BNC2: variants seen among roughly 807,000 people sequenced by gnomAD.
BNC2 encodes the protein zinc finger protein basonuclin-2.
BNC2 carries 20 observed loss-of-function variants against 76.3 expected under a neutral mutation model. That is an observed-to-expected ratio of 0.26 (90% CI 0.18 to 0.38). The LOEUF is 0.38. Ranked by LOEUF, BNC2 falls within the 10% of genes least tolerant of loss-of-function variation. BNC2 has a pLI of 1.00. For missense variants in BNC2, 1,382 were observed against 1,399.8 expected, an observed-to-expected ratio of 0.99 and a Z score of 0.20; for synonymous variants, 582 against 514.8, an observed-to-expected ratio of 1.13 and a Z score of -1.77.
At chr9:16,742,155 G>A (rs962019401) in intron 1 of BNC2, among the ~76,000 whole-genome samples, 1 of 152,156 alleles carries the variant, frequency 6.6e-6, no homozygotes, top group Non-Finnish European at 1.5e-5. Context: ...TGTTTAGTAT[G>A]TAGTGGTCTA....
chr9:16,643,436 G>A (rs1821543674), intron 3 of BNC2, among the ~76,000 whole-genome samples: 1 of 151,908 alleles, frequency 6.6e-6, no homozygotes, highest in African/African-American at 2.4e-5. Flanking sequence ...AGTAAGAAAG[G>A]CTGGTCTGGA....
intron 3 of BNC2, among the ~76,000 whole-genome samples, chr9:16,659,363 A>G (rs981067990): frequency 2.0e-5 from 3 of 152,014 alleles, no homozygotes; most frequent in Non-Finnish European, 4.4e-5. Flanking sequence ...TAATCACAGC[A>G]CTTTGGGGGG....
intron 1 of BNC2, among the ~76,000 whole-genome samples, chr9:16,771,990 T>A (rs1249897978): frequency 6.6e-6 from 1 of 152,216 alleles, no homozygotes; most frequent in East Asian, 1.9e-4. Flanking sequence ...TGTTGCATTA[T>A]CTACCAGATG....
intron 1 of BNC2, among the ~76,000 whole-genome samples, chr9:16,843,328 T>C (rs1419994203): frequency 1.3e-5 from 2 of 152,198 alleles, no homozygotes; most frequent in Admixed American, 1.3e-4. Flanking sequence ...TACACTAAGA[T>C]ACATTCCTTT....
intron 3 of BNC2, among the ~76,000 whole-genome samples, chr9:16,709,899 G>A (rs1042563865): frequency 3.9e-5 from 6 of 152,100 alleles, no homozygotes; most frequent in Admixed American, 2.0e-4. Flanking sequence ...AAGATATGAA[G>A]GGGAAAAGTG....
chr9:16,843,919 T>C (rs1459097008), intron 1 of BNC2, among the ~76,000 whole-genome samples: 1 of 152,192 alleles, frequency 6.6e-6, no homozygotes, highest in African/African-American at 2.4e-5. Context: ...GCAACGAGTA[T>C]GTGAAATATC....
At chr9:16,526,305 A>G (rs1741638524) in intron 5 of BNC2, among the ~76,000 whole-genome samples, 1 of 152,128 alleles carries the variant, frequency 6.6e-6, no homozygotes, top group South Asian at 2.1e-4. Context: ...CCTTACACCC[A>G]GTGAGATAAG....
intron 3 of BNC2, among the ~76,000 whole-genome samples, chr9:16,642,133 C>T (rs1332051825): frequency 1.3e-5 from 2 of 152,170 alleles, no homozygotes; most frequent in Non-Finnish European, 2.9e-5. Flanking sequence ...AATTACCTTG[C>T]CAACATGCTC....
At chr9:16,760,256 G>A (rs1825515406) in intron 1 of BNC2, among the ~76,000 whole-genome samples, 1 of 152,108 alleles carries the variant, frequency 6.6e-6, no homozygotes, top group African/African-American at 2.4e-5. Context: ...TACCACTGCT[G>A]TTCAGCAACT....
At chr9:16,574,033 G>C (rs1225229257) in intron 4 of BNC2, among the ~76,000 whole-genome samples, 1 of 152,176 alleles carries the variant, frequency 6.6e-6, no homozygotes, top group African/African-American at 2.4e-5. Flanking sequence ...AGAAGGAAGA[G>C]TGGTTGAAAG....
At chr9:16,511,136 G>A (rs1344248485) in intron 5 of BNC2, among the ~76,000 whole-genome samples, 4 of 143,180 alleles carry the variant, frequency 2.8e-5, no homozygotes, top group Non-Finnish European at 6.1e-5. Flanking sequence ...TAAGAAACAG[G>A]TCTTGTTCTG....
chr9:16,444,004 G>A (rs1211317676), intron 5 of BNC2, among the ~76,000 whole-genome samples: 1 of 152,134 alleles, frequency 6.6e-6, no homozygotes, highest in Non-Finnish European at 1.5e-5. Flanking sequence ...ATTAAATCAC[G>A]CAAATTGCTT....
chr9:16,475,176 A>AT (rs758038812), intron 5 of BNC2, among the ~76,000 whole-genome samples: 9 of 152,076 alleles, frequency 5.9e-5, no homozygotes, highest in Non-Finnish European at 8.8e-5. Flanking sequence ...ACTGGGTTAG[A>AT]TTTTTCCAAG....
At chr9:16,655,292 G>C (rs1255025768) in intron 3 of BNC2, among the ~76,000 whole-genome samples, 2 of 152,072 alleles carry the variant, frequency 1.3e-5, no homozygotes, top group Non-Finnish European at 2.9e-5. Flanking sequence ...CTAAAATAAA[G>C]ATGAATAAAA....
chr9:16,672,355 GGCAT>G (rs1483407338), intron 3 of BNC2, among the ~76,000 whole-genome samples: 1 of 152,112 alleles, frequency 6.6e-6, no homozygotes, highest in Non-Finnish European at 1.5e-5. Context: ...AAATTAGCTG[GGCAT>G]GGTGGCGGGC....
intron 1 of BNC2, among the ~76,000 whole-genome samples, chr9:16,743,691 T>A (rs912915134): frequency 2.0e-5 from 3 of 152,194 alleles, no homozygotes; most frequent in Admixed American, 6.5e-5. Flanking sequence ...GAGGCTGAGA[T>A]ACAGTTCTGA....
At chr9:16,674,311 A>G (rs1322971781) in intron 3 of BNC2, among the ~76,000 whole-genome samples, 1 of 152,208 alleles carries the variant, frequency 6.6e-6, no homozygotes, top group Admixed American at 6.5e-5. Context: ...AGATGGAGGA[A>G]AATTAATCTC....
intron 3 of BNC2, among the ~76,000 whole-genome samples, chr9:16,693,080 A>G (rs891691364): frequency 1.5e-4 from 21 of 139,310 alleles, no homozygotes; most frequent in Non-Finnish European, 2.4e-4. Flanking sequence ...CAGTGAGCCG[A>G]GATCTCACCA....
intron 5 of BNC2, among the ~76,000 whole-genome samples, chr9:16,514,374 G>A (rs1822829765): frequency 6.6e-6 from 1 of 152,192 alleles, no homozygotes; most frequent in South Asian, 2.1e-4. Context: ...TCCACTGGGA[G>A]GACAACAAAA....
Sources: allele counts gnomAD v4.1 joint callset (sites outside exome capture counted in the v4.1 genomes callset), GRCh38; gene constraint gnomAD v4.1.1; transcripts MANE v1.5; gene names NCBI Gene and HGNC (gene_info 2026-07-23, HGNC 2026-07-21).